Variants in NTRK2 observed in about 807,000 individuals in gnomAD.
NTRK2 encodes neurotrophic receptor tyrosine kinase 2.
In NTRK2, 13 loss-of-function variants were observed where a neutral mutation model predicts 94.5. The observed-to-expected ratio is 0.14, with a 90% CI of 0.09 to 0.22. The LOEUF (loss-of-function observed/expected upper bound fraction) is 0.22, where lower values mean the gene tolerates loss of function less well. Among genes scored for constraint, NTRK2 ranks in the 10% least tolerant of loss-of-function variants. The pLI, the probability that NTRK2 is intolerant of heterozygous loss-of-function variation, is 1.00. For synonymous variants in NTRK2, 372 were observed against 407.4 expected (o/e 0.91, Z 1.05); for missense variants, 639 against 1,071.2 (o/e 0.60, Z 5.63).
chr9:84,861,728 G>A (rs1336455822), intron 13 of NTRK2, among the ~76,000 whole-genome samples: 1 of 152,126 alleles, frequency 6.6e-6, no homozygotes, highest in Non-Finnish European at 1.5e-5. Context: ...TTTTCTATGG[G>A]TACAGAGACA....
At position 84,762,440 on chromosome 9, in the gene NTRK2, C is replaced by G. The variant is rs2065660974; in HGVS notation, c.1396+10355C>G. Among the ~76,000 whole-genome samples the G allele has an allele frequency of 2.0e-5, 3 of 152,204 alleles. No homozygotes were observed. In the South Asian group the frequency reaches 6.2e-4, roughly 31 times the overall value. ...TTTCTATATTGAAATGACATGCATT[C>G]CATAGCCCAAAAGACATAATTTCTG... On this transcript the variant is annotated intron_variant, in intron 12 of 18. Coordinates refer to ENST00000277120, the MANE Select transcript of NTRK2 (RefSeq NM_006180.6).
At chr9:84,952,283 T>C (rs1226882989) in intron 16 of NTRK2, among the ~76,000 whole-genome samples, 2 of 152,106 alleles carry the variant, frequency 1.3e-5, no homozygotes, top group Non-Finnish European at 2.9e-5. Flanking sequence ...GAGGTGCTTG[T>C]TGAAAAGACC....
At chr9:84,704,652 A>G (rs1380228996) in intron 4 of NTRK2, among the ~76,000 whole-genome samples, 1 of 152,194 alleles carries the variant, frequency 6.6e-6, no homozygotes. Context: ...CTGAAGAAGC[A>G]ATTGTTGGGA....
chr9:84,751,511 G>A (rs915648990), intron 11 of NTRK2, among the ~76,000 whole-genome samples: 1 of 152,100 alleles, frequency 6.6e-6, no homozygotes, highest in African/African-American at 2.4e-5. Flanking sequence ...AGCCCAGGAG[G>A]TCGAAGCTGC....
intron 17 of NTRK2, among the ~76,000 whole-genome samples, chr9:84,968,202 T>C (rs2133108801): frequency 6.6e-6 from 1 of 152,314 alleles, no homozygotes; most frequent in Non-Finnish European, 1.5e-5. Flanking sequence ...CAGACTGGCA[T>C]CTGAGCTCCT....
chr9:84,779,681 G>A (rs1356156189), intron 12 of NTRK2, among the ~76,000 whole-genome samples: 2 of 152,088 alleles, frequency 1.3e-5, no homozygotes, highest in Non-Finnish European at 2.9e-5. Flanking sequence ...CAGTAGTTGT[G>A]GGTTGTTTAA....
At chr9:84,753,551 AT>A (rs1274387385) in intron 12 of NTRK2, among the ~76,000 whole-genome samples, 2 of 152,154 alleles carry the variant, frequency 1.3e-5, no homozygotes, top group African/African-American at 4.8e-5. Context: ...CCCCTTCAGA[AT>A]GTGACAAGAT....
chr9:84,719,109 ATC>A (rs1456119198), intron 6 of NTRK2, among the ~76,000 whole-genome samples: 1 of 152,204 alleles, frequency 6.6e-6, no homozygotes, highest in Non-Finnish European at 1.5e-5. Flanking sequence ...ATACCACTTT[ATC>A]AGTGGTATTT....
intron 14 of NTRK2, among the ~76,000 whole-genome samples, chr9:84,903,562 A>C (rs762798602): frequency 3.9e-5 from 6 of 152,196 alleles, no homozygotes; most frequent in Non-Finnish European, 7.3e-5. Context: ...TCTTTTCAAT[A>C]GGAAAGGAGG....
intron 5 of NTRK2, 69 bp from the exon 6 acceptor site, chr9:84,710,567 AT>A: frequency 6.6e-7 from 1 of 1,513,388 alleles, no homozygotes; most frequent in Admixed American, 1.7e-5. Flanking sequence ...ATGTTGTAGT[AT>A]TTTACAAGCA....
At chr9:84,825,217 CA>C (rs1338799032) in intron 12 of NTRK2, among the ~76,000 whole-genome samples, 1 of 152,110 alleles carries the variant, frequency 6.6e-6, no homozygotes, top group Non-Finnish European at 1.5e-5. Context: ...TACCATCCTC[CA>C]GGCCCTTTGT....
At chr9:84,904,007 T>C (rs997855153) in intron 14 of NTRK2, among the ~76,000 whole-genome samples, 32 of 152,216 alleles carry the variant, frequency 2.1e-4, no homozygotes, top group African/African-American at 7.0e-4. Flanking sequence ...TATGGAAATG[T>C]CCCTGCTTCT....
chr9:84,751,945 T>C, intron 11 of NTRK2, 41 bp from the exon 12 acceptor site: 1 of 1,482,028 alleles, frequency 6.7e-7, no homozygotes, highest in East Asian at 2.3e-5. Context: ...TATAGGGAAC[T>C]AATTAGCAAG....
intron 14 of NTRK2, among the ~76,000 whole-genome samples, chr9:84,910,740 G>A (rs905376788): frequency 2.0e-5 from 3 of 152,090 alleles, no homozygotes; most frequent in East Asian, 1.9e-4. Context: ...TGATTTATAT[G>A]TTCATTTCTC....
At chr9:84,717,713 A>G (rs985989136) in intron 6 of NTRK2, among the ~76,000 whole-genome samples, 3 of 152,272 alleles carry the variant, frequency 2.0e-5, no homozygotes, top group Admixed American at 6.5e-5. Flanking sequence ...TAAGTACCCA[A>G]TAAATAATAG....
At chr9:84,994,673 A>T (rs1159267685) in intron 17 of NTRK2, among the ~76,000 whole-genome samples, 2 of 152,206 alleles carry the variant, frequency 1.3e-5, no homozygotes, top group Admixed American at 1.3e-4. Flanking sequence ...AGCATTGCTG[A>T]CAGAATCCGT....
chr9:84,699,058 A>T (rs2060561591), intron 2 of NTRK2, among the ~76,000 whole-genome samples: 1 of 146,616 alleles, frequency 6.8e-6, no homozygotes, highest in Admixed American at 6.8e-5. Context: ...TTTTTTTGAG[A>T]CGGAGTCTTG....
intron 17 of NTRK2, among the ~76,000 whole-genome samples, chr9:84,994,751 C>T (rs1019736477): frequency 4.6e-5 from 7 of 152,194 alleles, no homozygotes; most frequent in African/African-American, 1.4e-4. Flanking sequence ...TTTGCTGTCT[C>T]AAAATAGTGC....
chr9:84,707,730 G>A (rs2061194903), intron 4 of NTRK2, 114 bp from the exon 5 acceptor site: 3 of 815,038 alleles, frequency 3.7e-6, no homozygotes, highest in African/African-American at 1.7e-5. Context: ...TGTAAGTAAA[G>A]CTTATATAAT....
Sources: gnomAD v4.1 joint callset for allele counts (sites outside exome capture counted in the v4.1 genomes callset) on GRCh38, gnomAD v4.1.1 for gene constraint, MANE v1.5 for transcripts, NCBI Gene and HGNC (gene_info 2026-07-23, HGNC 2026-07-21) for gene names.